Variants in ZNF462 observed in about 807,000 individuals in gnomAD.
The protein encoded by ZNF462 is zinc finger protein 462, also known as zinc finger PBX1-interacting protein.
Under a neutral mutation model 201.9 loss-of-function variants are expected in ZNF462, and 10 were observed. The ratio of observed to expected loss-of-function variants is 0.05; its 90% confidence interval spans 0.03 to 0.08. ZNF462 has a LOEUF of 0.08. Among genes scored for constraint, ZNF462 ranks in the 10% least tolerant of loss-of-function variants. ZNF462 has a pLI of 1.00. For synonymous variants in ZNF462, 1,227 were observed against 1,193.3 expected, an observed-to-expected ratio of 1.03 and a Z score of -0.58; for missense variants, 2,523 against 3,168.3, an observed-to-expected ratio of 0.80 and a Z score of 4.89.
At position 106,993,060 on chromosome 9, in the gene ZNF462, C is replaced by T. The variant is rs1469414273; in HGVS notation, c.7056+8651C>T. Among the ~76,000 whole-genome samples the T allele has an allele frequency of 2.0e-5, 3 of 152,074 alleles. No individual in the cohort carries two copies. Among genetic ancestry groups the T allele is most frequent in the Admixed American group, 6.6e-5 (1 of 15,250 alleles). ...AAAACAGTGCATTGCTCATTATATT[C>T]TTCTACAAATAGCATTAGGTGATTT... On this transcript the variant is annotated intron_variant, in intron 10 of 12. Transcript: ENST00000277225. The surrounding 1 kb of genome is among the most constrained non-coding windows in gnomAD (Gnocchi z 4.0).
chr9:106,888,232 A>G (rs934761571), intron 1 of ZNF462, among the ~76,000 whole-genome samples: 6 of 150,982 alleles, frequency 4.0e-5, no homozygotes, highest in Non-Finnish European at 7.4e-5. Context: ...TAGTAGAGAC[A>G]GGGTTTCACC....
chr9:106,971,909 T>A, intron 7 of ZNF462, 96 bp from the exon 8 acceptor site: 1 of 1,452,792 alleles, frequency 6.9e-7, no homozygotes, highest in Non-Finnish European at 9.3e-7. Context: ...TTAGTAAAGC[T>A]GGAGGGTAAA....
chr9:106,988,716 A>G (rs978230905), intron 10 of ZNF462, among the ~76,000 whole-genome samples: 3 of 152,114 alleles, frequency 2.0e-5, no homozygotes, highest in Non-Finnish European at 4.4e-5. Context: ...GATTTCTTTC[A>G]GCAGTGTTTT....
chr9:106,924,967 A>G lies in ZNF462; in HGVS notation c.1055A>G (p.His352Arg). Reference protein sequence around the residue: ...SYPQMKPKSPHNSGLVNLTER... With the variant: ...SYPQMKPKSPRNSGLVNLTER... ...CCTCAGATGAAGCCGAAGTCACCTC[A>G]CAATTCTGGTCTAGTTAACTTGACA... Residue 352 changes from histidine to arginine, a missense_variant, in exon 3 of 13, where the codon CAC (histidine) becomes CGC (arginine). This residue lies in a region of ZNF462 where 480 missense variants were observed against 544.4 expected (regional missense o/e 0.88). Transcript: ENST00000277225. The surrounding 1 kb of genome is among the most constrained non-coding windows in gnomAD (Gnocchi z 6.2). 1 of 1,614,174 alleles carries G rather than the reference A, an allele frequency of 6.2e-7. No homozygotes were observed. Among genetic ancestry groups the G allele is most frequent in the Non-Finnish European group, 8.5e-7 (1 of 1,180,028 alleles).
At chr9:106,934,966 C>T (rs1013849313) in intron 5 of ZNF462, among the ~76,000 whole-genome samples, 2 of 152,124 alleles carry the variant, frequency 1.3e-5, no homozygotes, top group Non-Finnish European at 2.9e-5. Flanking sequence ...TAGACCCTGG[C>T]AACAAGACAG....
chr9:107,004,512 A>G (rs1829412087), intron 11 of ZNF462, among the ~76,000 whole-genome samples: 1 of 152,164 alleles, frequency 6.6e-6, no homozygotes, highest in Non-Finnish European at 1.5e-5. Context: ...AATGAGAATA[A>G]TATCACCTCC....
intron 1 of ZNF462, among the ~76,000 whole-genome samples, chr9:106,878,071 T>G (rs539528983): frequency 5.6e-4 from 85 of 152,336 alleles, no homozygotes; most frequent in Admixed American, 1.5e-3. Context: ...TGTAGGATCC[T>G]TGCTTATTTG....
rs1216255231 is a variant in ZNF462 at position 107,005,069 on chromosome 9, G to C, written c.7189+1643G>C. Among the ~76,000 whole-genome samples, 1 of 152,046 alleles carries C rather than the reference G, an allele frequency of 6.6e-6. No homozygotes were observed. Among genetic ancestry groups the C allele is most frequent in the African/African-American group, 2.4e-5 (1 of 41,418 alleles). ...ATTTCATATTTTTTAATGGTGAATA[G>C]TATTTCATGTGTGTATATACCACAT... On this transcript the variant is annotated intron_variant, in intron 11 of 12. Transcript: ENST00000277225. The surrounding 1 kb of genome is among the most constrained non-coding windows in gnomAD (Gnocchi z 4.4).
rs1003992683 is a variant in ZNF462, at chr9:106,902,926, A to G, written c.-30-20428A>G. Among the ~76,000 whole-genome samples, 1 of 151,588 alleles carries G rather than the reference A, an allele frequency of 6.6e-6. No individual in the cohort carries two copies. The highest frequency in any genetic ancestry group is 1.5e-5 in the Non-Finnish European group (1 of 67,860). On this transcript the variant is annotated intron_variant, in intron 1 of 12. Coordinates refer to ENST00000277225, the MANE Select transcript of ZNF462 (RefSeq NM_021224.6). This position sits in a 1 kb window ranked among gnomAD's most constrained non-coding sequence, Gnocchi z 4.2. ...TTTTTTGTTTGTTTGTTTGAATTTC[A>G]TTTAGTTTTGCCCTGATCTTGGTTA...
chr9:106,924,808 A>T lies in ZNF462; in HGVS notation c.896A>T (p.Asn299Ile), dbSNP rs1245276858. The change falls in exon 3 of 13, where the codon AAC becomes ATC. Residue 299 changes from asparagine to isoleucine, a missense_variant. Coordinates refer to ENST00000277225, the MANE Select transcript of ZNF462 (RefSeq NM_021224.6). This position sits in a 1 kb window ranked among gnomAD's most constrained non-coding sequence, Gnocchi z 6.2. ...AAGAGTGCCCCCAGCCCCACTTCCA[A>T]CTCCACCTATCTGACCATGAATGCT... Reference protein sequence around the residue: ...PNKSAPSPTSNSTYLTMNAAS... With the variant: ...PNKSAPSPTSISTYLTMNAAS... 2 of 1,613,814 alleles carry T rather than the reference A, an allele frequency of 1.2e-6. No homozygotes were observed. Among genetic ancestry groups the T allele is most frequent in the Non-Finnish European group, 1.7e-6 (2 of 1,179,954 alleles).
chr9:106,891,389 T>A (rs1828569992), intron 1 of ZNF462, among the ~76,000 whole-genome samples: 1 of 152,138 alleles, frequency 6.6e-6, no homozygotes, highest in Admixed American at 6.5e-5. Context: ...AACAAGTGAT[T>A]TTTTTTTCTC....
At chr9:106,965,029 G>A (rs1832007555) in intron 7 of ZNF462, among the ~76,000 whole-genome samples, 1 of 152,050 alleles carries the variant, frequency 6.6e-6, no homozygotes, top group Non-Finnish European at 1.5e-5. Flanking sequence ...GTAATATGAG[G>A]TATAATGAGA....
At position 106,935,663 on chromosome 9, in the gene ZNF462, C is replaced by G. The variant is rs1830602167; in HGVS notation, c.6235+42C>G. 23 of 1,520,190 alleles carry G rather than the reference C, an allele frequency of 1.5e-5. No homozygotes were observed. Among genetic ancestry groups the G allele is most frequent in the Non-Finnish European group, 1.9e-5 (21 of 1,095,860 alleles). 94.2% of individuals were successfully genotyped at this position (1,520,190 alleles called of 1,614,324 possible). A position where few individuals can be genotyped will look rare whatever the true frequency, so the allele number is the denominator to read the frequency against. On this transcript the variant is annotated intron_variant, in intron 6 of 12. Transcript: ENST00000277225. This position sits in a 1 kb window ranked among gnomAD's most constrained non-coding sequence, Gnocchi z 4.1. Reference sequence around the variant, plus strand: ...TGATGCACAAGTTCTTTAGCACTCTCTGAGTTTGAAACCTGATGATCTTTA... The same window carrying G: ...TGATGCACAAGTTCTTTAGCACTCTGTGAGTTTGAAACCTGATGATCTTTA...
chr9:106,890,149 T>G lies in ZNF462; in HGVS notation c.-31+26794T>G, dbSNP rs561791427. Among the ~76,000 whole-genome samples, 113 of 152,340 alleles carry G rather than the reference T, an allele frequency of 7.4e-4. 1 individual carries two copies. The South Asian group carries it at 0.023, about 30-fold the overall frequency. On this transcript the variant is annotated intron_variant, in intron 1 of 12. Transcript: ENST00000277225. The surrounding 1 kb of genome is among the most constrained non-coding windows in gnomAD (Gnocchi z 4.2). ...CATTGTATATATTCTGCCTAAAAGT[T>G]TGTAAAATCTAGTGGTGGCATTTAG...
At chr9:106,982,172 C>T (rs1827484805) in intron 9 of ZNF462, among the ~76,000 whole-genome samples, 2 of 152,196 alleles carry the variant, frequency 1.3e-5, no homozygotes, top group African/African-American at 2.4e-5. Flanking sequence ...CCTTACCCAG[C>T]GTAGTTGCAG....
intron 1 of ZNF462, among the ~76,000 whole-genome samples, chr9:106,914,945 T>C (rs539853744): frequency 6.6e-6 from 1 of 152,086 alleles, no homozygotes; most frequent in South Asian, 2.1e-4. Context: ...AATAATAAAA[T>C]GTAAGGGAAT....
intron 1 of ZNF462, among the ~76,000 whole-genome samples, chr9:106,874,079 A>C (rs1475565324): frequency 6.6e-6 from 1 of 152,206 alleles, no homozygotes; most frequent in Admixed American, 6.5e-5. Context: ...ATTTATAAAA[A>C]CCGTTATTTT....
At chr9:106,946,542 G>A (rs775965975) in intron 7 of ZNF462, among the ~76,000 whole-genome samples, 1 of 152,174 alleles carries the variant, frequency 6.6e-6, no homozygotes, top group Non-Finnish European at 1.5e-5. Context: ...TACATAGGCA[G>A]AAGGAAGGGT....
At chr9:106,982,423 A>G (rs1827506628) in intron 9 of ZNF462, among the ~76,000 whole-genome samples, 1 of 152,166 alleles carries the variant, frequency 6.6e-6, no homozygotes, top group African/African-American at 2.4e-5. Context: ...AGAAACCTTG[A>G]GTTACAAGAA....
Sources: allele counts gnomAD v4.1 joint callset (sites outside exome capture counted in the v4.1 genomes callset), GRCh38; gene constraint gnomAD v4.1.1; regional missense constraint gnomAD v4.1.1; non-coding constraint Gnocchi (gnomAD v3.1); transcripts MANE v1.5; gene names NCBI Gene and HGNC (gene_info 2026-07-23, HGNC 2026-07-21).